RAD51B: variants seen among roughly 807,000 people sequenced by gnomAD.
RAD51B encodes the protein DNA repair protein RAD51 homolog 2.
Under a neutral mutation model 42.2 loss-of-function variants are expected in RAD51B, and 38 were observed. That is an observed-to-expected ratio of 0.90 (90% CI 0.70 to 1.18). RAD51B has a LOEUF of 1.18. Among genes scored for constraint, RAD51B ranks in the 50% most tolerant of loss-of-function variants. The pLI is 0.00. For missense variants in RAD51B, 373 were observed against 400.7 expected (o/e 0.93, Z 0.59); for synonymous variants, 154 against 145.2 (o/e 1.06, Z -0.43).
At chr14:67,961,881 A>G (rs2074675688) in intron 7 of RAD51B, among the ~76,000 whole-genome samples, 1 of 152,256 alleles carries the variant, frequency 6.6e-6, no homozygotes, top group South Asian at 2.1e-4. Context: ...TGACTACAGC[A>G]GAAAACTATA....
intron 7 of RAD51B, among the ~76,000 whole-genome samples, chr14:68,024,929 G>A (rs1256513140): frequency 1.3e-5 from 2 of 151,988 alleles, no homozygotes; most frequent in Non-Finnish European, 2.9e-5. Flanking sequence ...TCTTGTTCCA[G>A]TTCTCAAGGG....
At chr14:68,662,749 C>T (rs1483187591) in intron 11 of RAD51B, among the ~76,000 whole-genome samples, 3 of 152,250 alleles carry the variant, frequency 2.0e-5, no homozygotes, top group Non-Finnish European at 2.9e-5. Context: ...ACGATCATCA[C>T]TTTCTTTCCT....
chr14:68,197,868 A>G (rs2079403929), intron 7 of RAD51B, among the ~76,000 whole-genome samples: 1 of 152,166 alleles, frequency 6.6e-6, no homozygotes, highest in African/African-American at 2.4e-5. Context: ...TTTTAAAAAT[A>G]TATTCTGAAT....
At position 68,269,113 on chromosome 14, in the gene RAD51B, TC is replaced by T. The variant is rs79413081; in HGVS notation, c.757-22765del. 1.1e-4 allele frequency among the ~76,000 whole-genome samples: 17 copies of T among 152,132 alleles called. No homozygotes were observed. The East Asian group carries it at 2.7e-3, about 24-fold the overall frequency. On this transcript the variant is annotated intron_variant, in intron 7 of 10. Transcript: ENST00000471583. ...GAGCTTTGGTATATAATTTCTTTTT[TC>T]CCCCCAGCCAAGAGGAATTGAGCAC...
At chr14:68,265,106 G>A (rs2080964589) in intron 7 of RAD51B, among the ~76,000 whole-genome samples, 1 of 152,138 alleles carries the variant, frequency 6.6e-6, no homozygotes, top group Admixed American at 6.5e-5. Context: ...TTTACCATTA[G>A]GGCTTACTAT....
At chr14:68,643,950 G>A (rs1326271173) in intron 10 of RAD51B, among the ~76,000 whole-genome samples, 1 of 152,164 alleles carries the variant, frequency 6.6e-6, no homozygotes, top group African/African-American at 2.4e-5. Flanking sequence ...ATTCCGCTTT[G>A]GGCTTCGCCT....
intron 7 of RAD51B, among the ~76,000 whole-genome samples, chr14:68,058,495 G>A (rs578096614): frequency 2.0e-5 from 3 of 152,250 alleles, no homozygotes; most frequent in African/African-American, 7.2e-5. Flanking sequence ...GATAATCTGT[G>A]CACAAACAAG....
At chr14:68,004,353 A>AAAAAAT (rs1555339649) in intron 7 of RAD51B, among the ~76,000 whole-genome samples, 4 of 146,692 alleles carry the variant, frequency 2.7e-5, no homozygotes, top group Non-Finnish European at 4.5e-5. Context: ...AAAAAAAAAA[A>AAAAAAT]AAGAATATAT....
At chr14:67,932,497 T>C (rs1396169026) in intron 7 of RAD51B, among the ~76,000 whole-genome samples, 2 of 152,112 alleles carry the variant, frequency 1.3e-5, no homozygotes, top group Non-Finnish European at 2.9e-5. Flanking sequence ...GCAGTGGCAC[T>C]AGTTTTAGTG....
At chr14:68,466,645 G>A (rs897426562) in intron 9 of RAD51B, among the ~76,000 whole-genome samples, 9 of 152,222 alleles carry the variant, frequency 5.9e-5, no homozygotes, top group South Asian at 4.1e-4. Context: ...TGGGAAGAGC[G>A]AAAGAGAAAG....
At position 68,567,792 on chromosome 14, in the gene RAD51B, T is replaced by C. The variant is rs184088312; in HGVS notation, c.1037-26693T>C. Among the ~76,000 whole-genome samples, 4 of 152,364 alleles carry C rather than the reference T, an allele frequency of 2.6e-5. No individual in the cohort carries two copies. The East Asian group carries it at 7.7e-4, about 29-fold the overall frequency. ...GCTGTACCCACAAGAAGAACACCCT[T>C]GGCTGTGCCATTATTGTCTCCTCCT... On this transcript the variant is annotated intron_variant, in intron 10 of 10. Coordinates refer to the RAD51B transcript ENST00000487270.
chr14:67,956,326 A>G (rs2074546143), intron 7 of RAD51B, among the ~76,000 whole-genome samples: 1 of 152,012 alleles, frequency 6.6e-6, no homozygotes, highest in Non-Finnish European at 1.5e-5. Flanking sequence ...ATCCCTACTA[A>G]AAATACAAAA....
intron 7 of RAD51B, among the ~76,000 whole-genome samples, chr14:68,282,616 A>G (rs567057141): frequency 2.6e-5 from 4 of 152,330 alleles, no homozygotes; most frequent in African/African-American, 9.6e-5. Context: ...GAGGACATCA[A>G]ATAAATAACT....
intron 10 of RAD51B, among the ~76,000 whole-genome samples, chr14:68,593,862 T>C (rs1368120624): frequency 6.6e-6 from 1 of 152,194 alleles, no homozygotes; most frequent in Non-Finnish European, 1.5e-5. Context: ...AAGGCAGCCA[T>C]GCTCTGTTGC....
intron 9 of RAD51B, among the ~76,000 whole-genome samples, chr14:68,426,610 TGA>T (rs1466679626): frequency 6.6e-6 from 1 of 152,016 alleles, no homozygotes; most frequent in Non-Finnish European, 1.5e-5. Context: ...TACAGTAAAA[TGA>T]GAGAAGAGAG....
At chr14:68,272,340 G>A (rs926455544) in intron 7 of RAD51B, among the ~76,000 whole-genome samples, 8 of 151,910 alleles carry the variant, frequency 5.3e-5, no homozygotes, top group African/African-American at 1.5e-4. Context: ...AAGACACTTC[G>A]CTGCCGCTGA....
At chr14:68,335,251 C>A (rs1378798191) in intron 8 of RAD51B, among the ~76,000 whole-genome samples, 1 of 140,452 alleles carries the variant, frequency 7.1e-6, no homozygotes, top group Non-Finnish European at 1.5e-5. Flanking sequence ...GAGCCGAGAT[C>A]GCACCACTGC....
intron 8 of RAD51B, among the ~76,000 whole-genome samples, chr14:68,349,520 G>A (rs532455887): frequency 3.3e-5 from 5 of 152,080 alleles, no homozygotes; most frequent in South Asian, 2.1e-4. Flanking sequence ...GTTCGTGCCC[G>A]ACGCCCAGCT....
chr14:68,040,613 G>C (rs888747298), intron 7 of RAD51B, among the ~76,000 whole-genome samples: 1 of 152,178 alleles, frequency 6.6e-6, no homozygotes, highest in African/African-American at 2.4e-5. Context: ...TGTCTTGTTT[G>C]TTCCTCACAT....
Sources: gnomAD v4.1 joint callset for allele counts (sites outside exome capture counted in the v4.1 genomes callset) on GRCh38, gnomAD v4.1.1 for gene constraint, MANE v1.5 for transcripts, NCBI Gene and HGNC (gene_info 2026-07-23, HGNC 2026-07-21) for gene names.